The following CRACD variants were observed in gnomAD, a reference collection of about 807,000 sequenced individuals.
CRACD encodes the protein capping protein inhibiting regulator of actin dynamics, also known as capping protein-inhibiting regulator of actin dynamics.
CRACD carries 56 observed loss-of-function variants against 106.8 expected under a neutral mutation model. That is an observed-to-expected ratio of 0.52 (90% CI 0.42 to 0.66). The LOEUF (loss-of-function observed/expected upper bound fraction) is 0.66, where lower values mean the gene tolerates loss of function less well. CRACD is among the 30% of genes least tolerant of loss of function. The pLI, the probability that CRACD is intolerant of heterozygous loss-of-function variation, is 0.00. For missense variants in CRACD, 1,730 were observed against 1,623.2 expected (o/e 1.07, Z -1.13); for synonymous variants, 754 against 670.8 (o/e 1.12, Z -1.92).
chr4:56,308,864 A>T, intron 5 of CRACD: 1 of 1,288,806 alleles, frequency 7.8e-7, no homozygotes, highest in Non-Finnish European at 1.0e-6. Context: ...ATGTCCTCAC[A>T]GTTATTGATG....
intron 1 of CRACD, among the ~76,000 whole-genome samples, chr4:56,124,921 G>A (rs571454448): frequency 6.6e-6 from 1 of 152,236 alleles, no homozygotes; most frequent in South Asian, 2.1e-4. Flanking sequence ...GAATCCCAGT[G>A]CACTATGTGA....
intron 2 of CRACD, among the ~76,000 whole-genome samples, chr4:56,218,775 G>T (rs57219225): frequency 1.1e-4 from 16 of 151,666 alleles, no homozygotes; most frequent in Admixed American, 6.6e-5. Flanking sequence ...GCCCAGCCTA[G>T]AAATTTTCTT....
intron 2 of CRACD, among the ~76,000 whole-genome samples, chr4:56,218,778 A>AG (rs1738875334): frequency 6.6e-6 from 1 of 151,796 alleles, no homozygotes; most frequent in Non-Finnish European, 1.5e-5. Flanking sequence ...CAGCCTAGAA[A>AG]TTTTCTTCCT....
chr4:56,297,005 C>T (rs1191165630), intron 3 of CRACD, among the ~76,000 whole-genome samples: 1 of 151,762 alleles, frequency 6.6e-6, no homozygotes, highest in African/African-American at 2.4e-5. Flanking sequence ...CTGCAATCCC[C>T]GCCTCCCGGG....
intron 1 of CRACD, among the ~76,000 whole-genome samples, chr4:56,156,187 C>G (rs1158626508): frequency 2.6e-5 from 4 of 152,214 alleles, no homozygotes; most frequent in African/African-American, 9.6e-5. Context: ...ATCTTGAACT[C>G]CTGACTTCAA....
chr4:56,073,499 A>G (rs1267742150), intron 1 of CRACD, among the ~76,000 whole-genome samples: 1 of 152,192 alleles, frequency 6.6e-6, no homozygotes, highest in Non-Finnish European at 1.5e-5. Flanking sequence ...CATTGTGCAG[A>G]TAAGGAAACG....
At chr4:56,057,782 C>G (rs537272222) in intron 1 of CRACD, among the ~76,000 whole-genome samples, 1 of 147,560 alleles carries the variant, frequency 6.8e-6, no homozygotes, top group Non-Finnish European at 1.5e-5. Context: ...CGCCACCACA[C>G]CTGGCTCATT....
chr4:56,128,989 C>A (rs893920523), intron 1 of CRACD, among the ~76,000 whole-genome samples: 1 of 151,972 alleles, frequency 6.6e-6, no homozygotes, highest in Non-Finnish European at 1.5e-5. Context: ...TTTTTGGGAC[C>A]TATTTTTAAA....
intron 4 of CRACD, among the ~76,000 whole-genome samples, chr4:56,304,334 T>C (rs76655194): frequency 1.1e-4 from 15 of 135,612 alleles, no homozygotes; most frequent in African/African-American, 3.9e-4. Flanking sequence ...TTTTTTTCTT[T>C]CCATGTTCTC....
chr4:56,054,939 G>A (rs1732002576), intron 1 of CRACD, among the ~76,000 whole-genome samples: 1 of 152,196 alleles, frequency 6.6e-6, no homozygotes, highest in African/African-American at 2.4e-5. Flanking sequence ...GGATTGAGAA[G>A]AAATGTCGAA....
At chr4:56,073,326 T>C (rs1028249935) in intron 1 of CRACD, among the ~76,000 whole-genome samples, 1 of 151,946 alleles carries the variant, frequency 6.6e-6, no homozygotes, top group East Asian at 1.9e-4. Context: ...TATCTCATTG[T>C]GGTTTTTGAT....
chr4:56,138,372 G>A (rs1183347744), intron 1 of CRACD, among the ~76,000 whole-genome samples: 2 of 152,094 alleles, frequency 1.3e-5, no homozygotes, highest in Non-Finnish European at 2.9e-5. Context: ...GCTAAAGCAC[G>A]AAAACTGCTT....
At chr4:56,117,254 C>T (rs1262744490) in intron 1 of CRACD, among the ~76,000 whole-genome samples, 2 of 152,088 alleles carry the variant, frequency 1.3e-5, no homozygotes, top group Non-Finnish European at 2.9e-5. Flanking sequence ...ATCTCCTGAC[C>T]TTGGGATCTG....
At chr4:56,172,620 G>A (rs1248578548) in intron 1 of CRACD, among the ~76,000 whole-genome samples, 13 of 151,700 alleles carry the variant, frequency 8.6e-5, no homozygotes, top group African/African-American at 2.2e-4. Context: ...GTGCCACCAC[G>A]CCCAGCTAAT....
At chr4:56,301,651 GC>G (rs1744377296) in intron 4 of CRACD, among the ~76,000 whole-genome samples, 1 of 151,942 alleles carries the variant, frequency 6.6e-6, no homozygotes, top group Non-Finnish European at 1.5e-5. Flanking sequence ...TGTAATGCCT[GC>G]CTTTGGAAAG....
intron 1 of CRACD, among the ~76,000 whole-genome samples, chr4:56,055,203 C>T (rs965655346): frequency 6.6e-6 from 1 of 151,836 alleles, no homozygotes; most frequent in Non-Finnish European, 1.5e-5. Flanking sequence ...GCTCACTGGC[C>T]TCACCCCACT....
chr4:56,308,993 T>C (rs1174661164), intron 5 of CRACD: 2 of 821,336 alleles, frequency 2.4e-6, no homozygotes, highest in African/African-American at 3.5e-5. Flanking sequence ...CTCTGTAGTT[T>C]ACACCCTAAT....
intron 1 of CRACD, among the ~76,000 whole-genome samples, chr4:56,095,206 G>T (rs886524201): frequency 4.6e-5 from 7 of 152,126 alleles, no homozygotes; most frequent in Non-Finnish European, 1.0e-4. Context: ...AAAAAAATTA[G>T]CTGGGCATGG....
intron 1 of CRACD, among the ~76,000 whole-genome samples, chr4:56,090,043 A>G (rs189856930): frequency 6.6e-6 from 1 of 152,266 alleles, no homozygotes; most frequent in Admixed American, 6.5e-5. Context: ...CTAGGGGCCA[A>G]AAACTACTCC....
Sources: allele counts gnomAD v4.1 joint callset (sites outside exome capture counted in the v4.1 genomes callset), GRCh38; gene constraint gnomAD v4.1.1; transcripts MANE v1.5; gene names NCBI Gene and HGNC (gene_info 2026-07-23, HGNC 2026-07-21).